The following LRRC4C variants were observed in gnomAD, a reference collection of about 807,000 sequenced individuals.
LRRC4C encodes leucine rich repeat containing 4C.
In LRRC4C, 5 loss-of-function variants were observed where a neutral mutation model predicts 33.6. The ratio of observed to expected loss-of-function variants is 0.15; its 90% CI spans 0.08 to 0.31. The LOEUF is 0.31. Among genes scored for constraint, LRRC4C ranks in the 10% least tolerant of loss-of-function variants. The probability of loss-of-function intolerance (pLI) is 1.00; values close to 1 mark genes in which losing one functional copy is unlikely to be tolerated. For synonymous variants in LRRC4C, 329 were observed against 302.0 expected (o/e 1.09, Z -0.93); for missense variants, 560 against 796.7 (o/e 0.70, Z 3.58).
At chr11:40,761,204 C>T (rs1037747769) in intron 2 of LRRC4C, among the ~76,000 whole-genome samples, 9 of 152,026 alleles carry the variant, frequency 5.9e-5, no homozygotes, top group African/African-American at 2.2e-4. Flanking sequence ...AATTTTAGGC[C>T]TTGCCATTTA....
chr11:41,160,232 CAAT>C (rs1944408440), intron 1 of LRRC4C, among the ~76,000 whole-genome samples: 2 of 151,900 alleles, frequency 1.3e-5, no homozygotes, highest in Admixed American at 1.3e-4. Context: ...TGGCTGGACA[CAAT>C]GATGGGTGCC....
chr11:40,801,739 G>C (rs1021742862), intron 2 of LRRC4C, among the ~76,000 whole-genome samples: 14 of 152,072 alleles, frequency 9.2e-5, no homozygotes, highest in Admixed American at 8.5e-4. Context: ...GTCACAAACA[G>C]TTGAGTACCA....
intron 1 of LRRC4C, among the ~76,000 whole-genome samples, chr11:41,075,515 C>T (rs1254056912): frequency 1.3e-5 from 2 of 152,042 alleles, no homozygotes; most frequent in Non-Finnish European, 2.9e-5. Flanking sequence ...TTCTTTCCTG[C>T]AATTGCTCCT....
intron 1 of LRRC4C, among the ~76,000 whole-genome samples, chr11:41,304,971 G>C (rs1290772390): frequency 9.1e-6 from 1 of 110,302 alleles, no homozygotes; most frequent in African/African-American, 3.3e-5. Context: ...GGTGAGGGGC[G>C]CCTCTGCCCG....
intron 2 of LRRC4C, among the ~76,000 whole-genome samples, chr11:40,865,594 A>G (rs1954324643): frequency 6.6e-6 from 1 of 151,474 alleles, no homozygotes; most frequent in Admixed American, 6.6e-5. Flanking sequence ...AGTTTCAAAA[A>G]TAAATAAATT....
intron 1 of LRRC4C, among the ~76,000 whole-genome samples, chr11:41,030,425 T>A (rs1044696774): frequency 1.3e-5 from 2 of 151,912 alleles, no homozygotes; most frequent in South Asian, 4.1e-4. Flanking sequence ...TAACCCTCAA[T>A]GACACCCTTA....
At position 40,115,639 on chromosome 11, in the gene LRRC4C, G is replaced by A. The variant is rs770182562; in HGVS notation, c.654C>T (p.Leu218=). The A allele has an allele frequency of 1.9e-6, 3 of 1,614,190 alleles. No homozygotes were observed. The highest frequency in any genetic ancestry group is 1.7e-5 in the Admixed American group (1 of 60,032). ...NLREIPNLTP[L]IKLDELDLSG... Reference sequence around the variant, plus strand: ...AAAGATCCAGCTCATCTAGTTTTATGAGCGGTGTGAGGTTAGGGATTTCCC... The same window carrying A: ...AAAGATCCAGCTCATCTAGTTTTATAAGCGGTGTGAGGTTAGGGATTTCCC... The change falls in exon 7 of 7, where the codon CTC becomes CTT. Residue 218 remains leucine, a synonymous_variant. Transcript: ENST00000528697. This position sits in a 1 kb window ranked among gnomAD's most constrained non-coding sequence, Gnocchi z 6.7.
At chr11:40,736,493 C>A (rs188121049) in intron 2 of LRRC4C, among the ~76,000 whole-genome samples, 1 of 151,902 alleles carries the variant, frequency 6.6e-6, no homozygotes, top group Non-Finnish European at 1.5e-5. Context: ...TGTGTTTTTG[C>A]AGTAGAATTA....
intron 2 of LRRC4C, among the ~76,000 whole-genome samples, chr11:40,734,636 A>C (rs1485241625): frequency 1.3e-5 from 2 of 152,146 alleles, no homozygotes; most frequent in Non-Finnish European, 2.9e-5. Context: ...ACAGAATCAC[A>C]CCACATAGCT....
At chr11:40,216,015 G>C (rs1310792541) in intron 5 of LRRC4C, among the ~76,000 whole-genome samples, 1 of 152,032 alleles carries the variant, frequency 6.6e-6, no homozygotes, top group Non-Finnish European at 1.5e-5. Context: ...AGATTAATCT[G>C]TATTTTTTGT....
At chr11:41,087,139 C>T (rs774147410) in intron 1 of LRRC4C, among the ~76,000 whole-genome samples, 2 of 152,086 alleles carry the variant, frequency 1.3e-5, no homozygotes, top group Admixed American at 6.6e-5. Context: ...CAGATTCCCT[C>T]TTCTCATTTT....
chr11:40,767,908 ATAAT>A (rs1373600193), intron 2 of LRRC4C, among the ~76,000 whole-genome samples: 1 of 152,054 alleles, frequency 6.6e-6, no homozygotes, highest in African/African-American at 2.4e-5. Flanking sequence ...TGCTTTTTAA[ATAAT>A]TAAAAATACA....
At chr11:40,560,153 G>C (rs1957491479) in intron 3 of LRRC4C, among the ~76,000 whole-genome samples, 1 of 152,038 alleles carries the variant, frequency 6.6e-6, no homozygotes. Flanking sequence ...TCATCGTTTA[G>C]GTGTCTATAA....
At chr11:40,682,775 A>AATAAATAC (rs1944760048) in intron 2 of LRRC4C, among the ~76,000 whole-genome samples, 1 of 151,476 alleles carries the variant, frequency 6.6e-6, no homozygotes, top group Non-Finnish European at 1.5e-5. Context: ...TAAATAAATA[A>AATAAATAC]ATAAAATAAA....
At chr11:40,668,916 G>C (rs1943947037) in intron 2 of LRRC4C, among the ~76,000 whole-genome samples, 1 of 152,180 alleles carries the variant, frequency 6.6e-6, no homozygotes, top group South Asian at 2.1e-4. Flanking sequence ...GGAGTAGACA[G>C]AGCATCAGTG....
At chr11:40,130,583 A>G (rs1590457696) in intron 6 of LRRC4C, among the ~76,000 whole-genome samples, 1 of 152,192 alleles carries the variant, frequency 6.6e-6, no homozygotes, top group African/African-American at 2.4e-5. Flanking sequence ...TAAATCCCTT[A>G]CTGCCTCTAC....
chr11:41,444,534 G>C (rs568989068), intron 1 of LRRC4C, among the ~76,000 whole-genome samples: 1 of 152,274 alleles, frequency 6.6e-6, no homozygotes, highest in East Asian at 1.9e-4. Flanking sequence ...CTTGTATGTG[G>C]TGGCTCCTTC....
chr11:41,163,229 G>A (rs992561475), intron 1 of LRRC4C, among the ~76,000 whole-genome samples: 41 of 147,786 alleles, frequency 2.8e-4, no homozygotes, highest in Admixed American at 5.5e-4. Flanking sequence ...CCAGTCTCAG[G>A]TATGTCTTTA....
intron 3 of LRRC4C, among the ~76,000 whole-genome samples, chr11:40,538,335 A>G (rs2135366745): frequency 6.7e-6 from 1 of 150,158 alleles, no homozygotes; most frequent in South Asian, 2.1e-4. Context: ...TCTTCTGTCC[A>G]AGTGTTCTTA....
Sources: gnomAD v4.1 joint callset for allele counts (sites outside exome capture counted in the v4.1 genomes callset) on GRCh38, gnomAD v4.1.1 for gene constraint, Gnocchi (gnomAD v3.1) non-coding constraint, MANE v1.5 for transcripts, NCBI Gene and HGNC (gene_info 2026-07-23, HGNC 2026-07-21) for gene names.